The following RABGAP1 variants were observed in gnomAD, a reference collection of about 807,000 sequenced individuals.
RABGAP1 encodes the protein RAB GTPase activating protein 1, also known as rab GTPase-activating protein 1.
In RABGAP1, 23 loss-of-function variants were observed where a neutral mutation model predicts 137.6. The observed-to-expected ratio is 0.17, with a 90% CI of 0.12 to 0.24. The LOEUF is 0.24. Ranked by LOEUF, RABGAP1 falls within the 10% of genes least tolerant of loss-of-function variation. The pLI, the probability that RABGAP1 is intolerant of heterozygous loss-of-function variation, is 1.00. For missense variants in RABGAP1, 906 were observed against 1,275.8 expected (o/e 0.71, Z 4.42); for synonymous variants, 451 against 450.7 (o/e 1.00, Z -0.01).
At chr9:123,069,342 T>C (rs1027060592) in intron 14 of RABGAP1, among the ~76,000 whole-genome samples, 1 of 152,190 alleles carries the variant, frequency 6.6e-6, no homozygotes, top group Non-Finnish European at 1.5e-5. Context: ...TAACAGTGTT[T>C]CGTGAGCGCA....
intron 2 of RABGAP1, among the ~76,000 whole-genome samples, chr9:122,963,759 A>G (rs891947968): frequency 7.9e-5 from 12 of 151,878 alleles, no homozygotes; most frequent in Non-Finnish European, 1.6e-4. Context: ...AAGGAAAATA[A>G]AAGAACAGAA....
intron 2 of RABGAP1, among the ~76,000 whole-genome samples, 167 bp downstream of exon 2, chr9:122,957,376 T>G (rs1834582310): frequency 6.6e-6 from 1 of 152,216 alleles, no homozygotes; most frequent in Non-Finnish European, 1.5e-5. Context: ...TGTATTTGAT[T>G]AAAGATTTTC....
intron 1 of RABGAP1, among the ~76,000 whole-genome samples, chr9:122,944,638 T>A (rs1035683865): frequency 6.6e-6 from 1 of 152,032 alleles, no homozygotes; most frequent in Non-Finnish European, 1.5e-5. Flanking sequence ...TGGCGTGATC[T>A]CGGCTCACTG....
intron 13 of RABGAP1, chr9:123,035,324 T>A: frequency 6.2e-7 from 1 of 1,614,178 alleles, no homozygotes; most frequent in East Asian, 2.2e-5. Flanking sequence ...TATGCCATGG[T>A]CCTGTTTCGA....
chr9:122,932,029 A>G, the RABGAP1 span, among the ~76,000 whole-genome samples: 1 of 152,086 alleles, frequency 6.6e-6, no homozygotes, highest in Non-Finnish European at 1.5e-5. Flanking sequence ...TCCGTTACCT[A>G]CTTCATGCTG....
chr9:122,934,079 TTC>T, the RABGAP1 span, among the ~76,000 whole-genome samples: 2 of 150,190 alleles, frequency 1.3e-5, no homozygotes, highest in Non-Finnish European at 1.5e-5. Context: ...TTCTTTTCTT[TTC>T]TTTTTTTTTT....
At chr9:123,079,875 C>G (rs549173659) in intron 19 of RABGAP1, among the ~76,000 whole-genome samples, 2 of 152,280 alleles carry the variant, frequency 1.3e-5, no homozygotes, top group African/African-American at 4.8e-5. Flanking sequence ...TTATTTTTCC[C>G]TACTGGAATG....
intron 2 of RABGAP1, among the ~76,000 whole-genome samples, chr9:122,964,216 A>G (rs1167194149): frequency 8.5e-5 from 13 of 152,366 alleles, no homozygotes; most frequent in South Asian, 2.1e-4. Context: ...AACTTACTCT[A>G]TGAGAACACC....
rs539198189 is a variant in RABGAP1, at chr9:122,992,777, T to C, written c.923+2564T>C. Among the ~76,000 whole-genome samples, 21 of 148,694 alleles carry C rather than the reference T, an allele frequency of 1.4e-4. No individual in the cohort carries two copies. The South Asian group carries it at 3.6e-3, about 25-fold the overall frequency. On this transcript the variant is annotated intron_variant, in intron 6 of 25. Coordinates refer to ENST00000373647, the MANE Select transcript of RABGAP1 (RefSeq NM_012197.4). ...ACCTATTATTATATAAAACCTATTATATACTTACTATTATACCTAAATATT... is the reference window on the plus strand; with the variant it reads ...ACCTATTATTATATAAAACCTATTACATACTTACTATTATACCTAAATATT...
intron 13 of RABGAP1, among the ~76,000 whole-genome samples, chr9:123,044,857 A>G (rs2033135570): frequency 6.6e-6 from 1 of 151,986 alleles, no homozygotes; most frequent in Non-Finnish European, 1.5e-5. Context: ...TCCTCTCCTC[A>G]CCCCAGACCC....
At chr9:123,075,850 T>A (rs1278355945) in intron 17 of RABGAP1, among the ~76,000 whole-genome samples, 2 of 152,126 alleles carry the variant, frequency 1.3e-5, no homozygotes, top group Non-Finnish European at 2.9e-5. Flanking sequence ...CAGATTCAGT[T>A]CTGGAATATA....
At chr9:122,996,182 A>G in intron 7 of RABGAP1, 31 bp downstream of exon 7, 1 of 1,586,596 alleles carries the variant, frequency 6.3e-7, no homozygotes, top group Non-Finnish European at 8.5e-7. Context: ...TAGCTTAAAT[A>G]TAAATTTTGG....
the RABGAP1 span, among the ~76,000 whole-genome samples, chr9:122,933,109 T>C: frequency 2.0e-5 from 3 of 152,166 alleles, no homozygotes; most frequent in Non-Finnish European, 4.4e-5. Flanking sequence ...ATTATGATGC[T>C]TAGTTCCTCT....
intron 15 of RABGAP1, among the ~76,000 whole-genome samples, chr9:123,072,788 G>T (rs140880732): frequency 6.6e-6 from 1 of 152,214 alleles, no homozygotes; most frequent in Non-Finnish European, 1.5e-5. Context: ...TGCTCAGCCC[G>T]CCTCCATCAT....
intron 22 of RABGAP1, among the ~76,000 whole-genome samples, chr9:123,098,314 G>T (rs557322663): frequency 2.0e-5 from 3 of 152,202 alleles, no homozygotes; most frequent in Admixed American, 2.0e-4. Flanking sequence ...CACCACGGTC[G>T]TCCAGGAGGC....
chr9:122,989,665 A>G (rs1836560248), intron 5 of RABGAP1, 194 bp downstream of exon 5: 1 of 630,680 alleles, frequency 1.6e-6, no homozygotes, highest in South Asian at 2.1e-5. Flanking sequence ...TGTTACTACT[A>G]CTAAGAATGT....
At chr9:122,992,790 A>T (rs1836808061) in intron 6 of RABGAP1, among the ~76,000 whole-genome samples, 1 of 148,866 alleles carries the variant, frequency 6.7e-6, no homozygotes, top group South Asian at 2.1e-4. Flanking sequence ...ACTTACTATT[A>T]TACCTAAATA....
intron 13 of RABGAP1, among the ~76,000 whole-genome samples, chr9:123,021,794 G>A (rs1193560958): frequency 6.6e-6 from 1 of 151,966 alleles, no homozygotes; most frequent in Non-Finnish European, 1.5e-5. Flanking sequence ...AGTATTTATC[G>A]TTGAGTAACT....
chr9:122,942,682 A>AAAAC (rs1354940916), intron 1 of RABGAP1, among the ~76,000 whole-genome samples: 1 of 151,072 alleles, frequency 6.6e-6, no homozygotes, highest in African/African-American at 2.4e-5. Flanking sequence ...AAAAAAAAAA[A>AAAAC]AAAAAACACA....
Sources: gnomAD v4.1 joint callset for allele counts (sites outside exome capture counted in the v4.1 genomes callset) on GRCh38, gnomAD v4.1.1 for gene constraint, MANE v1.5 for transcripts, NCBI Gene and HGNC (gene_info 2026-07-23, HGNC 2026-07-21) for gene names.